BEND5: variants seen among roughly 807,000 people sequenced by gnomAD.
The protein encoded by BEND5 is BEN domain containing 5.
BEND5 carries 22 observed loss-of-function variants against 43.9 expected under a neutral mutation model. The observed-to-expected ratio is 0.50, with a 90% CI of 0.36 to 0.72. BEND5 has a LOEUF of 0.72. Among genes scored for constraint, BEND5 ranks in the 30% least tolerant of loss-of-function variants. The pLI is 0.00. For synonymous variants in BEND5, 228 were observed against 225.9 expected (o/e 1.01, Z -0.08); for missense variants, 428 against 550.6 (o/e 0.78, Z 2.23).
intron 1 of BEND5, among the ~76,000 whole-genome samples, chr1:48,763,809 T>A (rs1232917595): frequency 6.6e-6 from 1 of 152,176 alleles, no homozygotes; most frequent in Non-Finnish European, 1.5e-5. Flanking sequence ...AAAAACAAGG[T>A]TCTAAATGGT....
Position 48,727,799 on chromosome 1 carries a change from C to G in BEND5, c.*87G>C. ...ATCCCTGCACACACACCACCATGCA[C>G]GGTGGGGTCTGATTTGGACGGCACC... On this transcript the variant is annotated 3_prime_UTR_variant, in exon 6 of 6. Coordinates refer to ENST00000371833, the MANE Select transcript of BEND5 (RefSeq NM_024603.4). The G allele has an allele frequency of 7.7e-7, 1 of 1,297,082 alleles. No homozygotes were observed. The highest frequency in any genetic ancestry group is 1.1e-6 in the Non-Finnish European group (1 of 916,870). 80.3% of individuals were successfully genotyped at this position (1,297,082 alleles called of 1,614,324 possible).
intron 1 of BEND5, among the ~76,000 whole-genome samples, chr1:48,767,843 A>T (rs552601274): frequency 6.6e-6 from 1 of 152,342 alleles, no homozygotes; most frequent in East Asian, 1.9e-4. Context: ...AGATTTGGGC[A>T]TTATCCTTTT....
intron 3 of BEND5, among the ~76,000 whole-genome samples, chr1:48,748,162 G>C (rs2148617845): frequency 6.6e-6 from 1 of 152,328 alleles, no homozygotes; most frequent in Non-Finnish European, 1.5e-5. Context: ...TAACAATGAA[G>C]GAGTTAAACA....
At chr1:48,740,744 G>A (rs1649787064) in intron 4 of BEND5, among the ~76,000 whole-genome samples, 1 of 152,074 alleles carries the variant, frequency 6.6e-6, no homozygotes, top group South Asian at 2.1e-4. Context: ...GCCTCTGATC[G>A]TGCAGACAGA....
At position 48,758,984 on chromosome 1, in the gene BEND5, A is replaced by G; in HGVS notation, c.661T>C (p.Tyr221His). 1.9e-6 allele frequency: 3 copies of G among 1,613,120 alleles called. No homozygotes were observed. The highest frequency in any genetic ancestry group is 2.5e-6 in the Non-Finnish European group (3 of 1,179,684). Residue 221 changes from tyrosine to histidine, a missense_variant, in exon 3 of 6, where the codon TAC becomes CAC. Transcript: ENST00000371833. ...TTCATTTCAGACACAAGTGCCCCGT[A>G]CTCCTTGAGCTTCTTGGCCTGTTGT... ...LVQQAKKLKE[Y>H]GALVSEMKEL...
At chr1:48,734,836 T>G (rs1648761752) in intron 5 of BEND5, among the ~76,000 whole-genome samples, 1 of 152,218 alleles carries the variant, frequency 6.6e-6, no homozygotes, top group Admixed American at 6.5e-5. Flanking sequence ...CTGGACATAT[T>G]TGTTGTCTGC....
At chr1:48,728,142 C>T in intron 5 of BEND5, 99 bp from the exon 6 acceptor site, 4 of 1,086,310 alleles carry the variant, frequency 3.7e-6, no homozygotes, top group Non-Finnish European at 5.2e-6. Context: ...ACATACTTCC[C>T]AAATACCAGC....
At chr1:48,750,205 T>C (rs907150419) in intron 3 of BEND5, among the ~76,000 whole-genome samples, 1 of 152,022 alleles carries the variant, frequency 6.6e-6, no homozygotes, top group Non-Finnish European at 1.5e-5. Context: ...AACTCAGGAG[T>C]TGAAGGACTG....
chr1:48,749,430 C>G (rs552745737), intron 3 of BEND5, among the ~76,000 whole-genome samples: 2 of 152,124 alleles, frequency 1.3e-5, no homozygotes, highest in East Asian at 3.9e-4. Context: ...CCTACAAAAT[C>G]GATCTTATTA....
In BEND5 at chr1:48,776,809, A is replaced by G. The variant is rs1029857250; in HGVS notation, c.23T>C (p.Leu8Pro). 4 of 1,522,228 alleles carry G rather than the reference A, an allele frequency of 2.6e-6. No homozygotes were observed. 94.3% of individuals were successfully genotyped at this position (1,522,228 alleles called of 1,614,324 possible). A position where few individuals can be genotyped will look rare whatever the true frequency, so the allele number is the denominator to read the frequency against. ...CAGCGCGTAGCAGACGTTGTCCTCCAGGAACCGCACAAAGGCGTACATGGT... is the reference window on the plus strand; with the variant it reads ...CAGCGCGTAGCAGACGTTGTCCTCCGGGAACCGCACAAAGGCGTACATGGT... MYAFVRF[L>P]EDNVCYALPV... The change falls in exon 1 of 6, where the codon CTG becomes CCG. Residue 8 changes from leucine to proline, a missense_variant. Physicochemically the swap from Leu to Pro is moderately conservative, Grantham distance 98 (BLOSUM62 -3). This residue lies in a region of BEND5 where 107 missense variants were observed against 98.8 expected (regional missense o/e 1.08). Coordinates refer to ENST00000371833, the MANE Select transcript of BEND5 (RefSeq NM_024603.4).
intron 1 of BEND5, among the ~76,000 whole-genome samples, chr1:48,762,614 TTGTGTGTGTGTGTG>T (rs58396843): frequency 1.0e-3 from 77 of 75,172 alleles, no homozygotes; most frequent in Non-Finnish European, 1.9e-3. Flanking sequence ...TTTAAGGGTT[TTGTGTGTGTGTGTG>T]TGTGTGTGTG....
chr1:48,754,110 ACTGT>A (rs1478516859), intron 3 of BEND5, among the ~76,000 whole-genome samples: 3 of 152,206 alleles, frequency 2.0e-5, no homozygotes, highest in Non-Finnish European at 4.4e-5. Flanking sequence ...AATGAATTAT[ACTGT>A]CTAAGTGGTA....
At chr1:48,749,199 C>A (rs551673270) in intron 3 of BEND5, among the ~76,000 whole-genome samples, 1 of 152,120 alleles carries the variant, frequency 6.6e-6, no homozygotes, top group Non-Finnish European at 1.5e-5. Context: ...CTACAAAAGT[C>A]TTCTTTGTTA....
chr1:48,770,346 G>A lies in BEND5; in HGVS notation c.226+6260C>T, dbSNP rs1644751150. On this transcript the variant is annotated intron_variant, in intron 1 of 5. Transcript: ENST00000371833. ...GAAACCCAAACAAGCCTAGTTCTAG[G>A]ATCCAAAGACCTCTCTTCTCATTTG... 2.0e-5 allele frequency among the ~76,000 whole-genome samples: 3 copies of A among 152,146 alleles called. No individual in the cohort carries two copies. In the South Asian group the frequency reaches 6.2e-4, roughly 32 times the overall value.
At chr1:48,743,173 A>G (rs575478606) in intron 3 of BEND5, among the ~76,000 whole-genome samples, 23 of 152,240 alleles carry the variant, frequency 1.5e-4, no homozygotes, top group Admixed American at 1.4e-3. Context: ...TACAGTGGAG[A>G]AGGCCGTAAC....
intron 1 of BEND5, 57 bp from the exon 2 acceptor site, chr1:48,761,527 G>T (rs1386816499): frequency 1.3e-6 from 2 of 1,496,768 alleles, no homozygotes; most frequent in Non-Finnish European, 1.8e-6. Flanking sequence ...GTCATTATGA[G>T]TTTAGAATGC....
rs1650193024 is a variant in BEND5, at chr1:48,743,168, T to G, written c.746-397A>C. Among the ~76,000 whole-genome samples, 3 of 152,152 alleles carry G rather than the reference T, an allele frequency of 2.0e-5. No individual in the cohort carries two copies. In the South Asian group the frequency reaches 6.2e-4, roughly 32 times the overall value. ...AAATCCTCACCTCAGTATCTTACAG[T>G]GGAGAAGGCCGTAACAGAAGAAGGG... On this transcript the variant is annotated intron_variant, in intron 3 of 5. Transcript: ENST00000371833.
At chr1:48,765,429 G>C (rs1442772123) in intron 1 of BEND5, among the ~76,000 whole-genome samples, 1 of 152,288 alleles carries the variant, frequency 6.6e-6, no homozygotes, top group South Asian at 2.1e-4. Flanking sequence ...CAAGAGTAAA[G>C]AATGTAAAGA....
intron 1 of BEND5, among the ~76,000 whole-genome samples, chr1:48,764,179 A>G (rs1456197639): frequency 6.6e-6 from 1 of 152,204 alleles, no homozygotes; most frequent in African/African-American, 2.4e-5. Flanking sequence ...AGCATGGGAG[A>G]TCACTTCCGT....
Sources: gnomAD v4.1 joint callset for allele counts (sites outside exome capture counted in the v4.1 genomes callset) on GRCh38, gnomAD v4.1.1 for gene constraint, gnomAD v4.1.1 regional missense constraint, MANE v1.5 for transcripts, NCBI Gene and HGNC (gene_info 2026-07-23, HGNC 2026-07-21) for gene names.